The following ZNF592 variants were observed in gnomAD, a reference collection of about 807,000 sequenced individuals.
ZNF592 encodes the protein zinc finger protein 592.
ZNF592 carries 11 observed loss-of-function variants against 80.3 expected under a neutral mutation model. The ratio of observed to expected loss-of-function variants is 0.14; its 90% CI spans 0.09 to 0.23. The LOEUF (loss-of-function observed/expected upper bound fraction) is 0.23. ZNF592 is among the 10% of genes least tolerant of loss of function. ZNF592 has a pLI of 1.00. For synonymous variants in ZNF592, 646 were observed against 640.3 expected (o/e 1.01, Z -0.13); for missense variants, 1,420 against 1,633.9 (o/e 0.87, Z 2.26).
chr15:84,764,782 C>A lies in ZNF592; in HGVS notation c.-183C>A, dbSNP rs561024127. 7.5e-6 allele frequency: 3 copies of A among 398,986 alleles called. No homozygotes were observed. The highest frequency in any genetic ancestry group is 6.2e-5 in the African/African-American group (3 of 48,704). The allele number at this position is 398,986 out of a possible 1,614,324, so 24.7% of individuals were successfully genotyped here. A position where few individuals can be genotyped will look rare whatever the true frequency, so the allele number is the denominator to read the frequency against. ...CCGCAGCTCTGCTCCCCTAGCAACG[C>A]TCGCCACACCCTTGTTTTGAGATCC... On this transcript the variant is annotated 5_prime_UTR_variant, in exon 2 of 11. Transcript: ENST00000560079.
intron 2 of ZNF592, among the ~76,000 whole-genome samples, 156 bp from the exon 3 acceptor site, chr15:84,778,027 G>A (rs1043821213): frequency 1.3e-5 from 2 of 152,108 alleles, no homozygotes; most frequent in African/African-American, 4.8e-5. Context: ...GAATATTCTT[G>A]TAATGTAACT....
intron 5 of ZNF592, among the ~76,000 whole-genome samples, chr15:84,794,506 T>G (rs1962837926): frequency 6.6e-6 from 1 of 152,058 alleles, no homozygotes; most frequent in South Asian, 2.1e-4. Flanking sequence ...GAGACAGTCT[T>G]ACTCTGTTGA....
intron 2 of ZNF592, among the ~76,000 whole-genome samples, chr15:84,771,551 G>A (rs1035925753): frequency 6.6e-6 from 1 of 152,174 alleles, no homozygotes; most frequent in Non-Finnish European, 1.5e-5. Context: ...TCCATGAGAG[G>A]CTGAAGGGAC....
At chr15:84,753,222 G>A (rs1455663194) in intron 1 of ZNF592, 1 of 152,246 alleles carries the variant, frequency 6.6e-6, no homozygotes, top group Non-Finnish European at 1.5e-5. Flanking sequence ...TTAGGTTAAT[G>A]GAGAAGGTAT....
At chr15:84,790,090 C>G (rs113411851) in intron 4 of ZNF592, among the ~76,000 whole-genome samples, 1 of 144,472 alleles carries the variant, frequency 6.9e-6, no homozygotes, top group Non-Finnish European at 1.5e-5. Context: ...CCACCCATCC[C>G]ACCCCCCAAC....
At chr15:84,774,773 T>TTTTG (rs142502151) in intron 2 of ZNF592, among the ~76,000 whole-genome samples, 10 of 152,024 alleles carry the variant, frequency 6.6e-5, no homozygotes, top group Admixed American at 2.6e-4. Flanking sequence ...TCATACTGGT[T>TTTTG]TTTGTTTGTT....
intron 2 of ZNF592, among the ~76,000 whole-genome samples, chr15:84,769,937 A>G (rs1376069125): frequency 2.0e-5 from 3 of 152,172 alleles, no homozygotes; most frequent in Non-Finnish European, 4.4e-5. Context: ...CACTGTGCCC[A>G]GTGGCAACGT....
At position 84,798,724 on chromosome 15, in the gene ZNF592, T is replaced by C. The variant is rs1596135152; in HGVS notation, c.2873T>C (p.Leu958Pro). Residue 958 changes from leucine (L) to proline (P), a missense_variant, in exon 8 of 11, where the codon CTG becomes CCG. Leu to Pro is a moderately conservative substitution (Grantham distance 98). Coordinates refer to ENST00000560079, the MANE Select transcript of ZNF592 (RefSeq NM_014630.3). This position sits in a 1 kb window ranked among gnomAD's most constrained non-coding sequence, Gnocchi z 4.5. ...ATSVAARSSS[L>P]PSGRWGRPEA... is the part of the protein sequence containing the mutation. ...AGTGTGGCTGCTCGGAGCAGCTCCCTGCCTTCTGGCCGCTGGGGTAGGCCT... is the reference window on the plus strand; with the variant it reads ...AGTGTGGCTGCTCGGAGCAGCTCCCCGCCTTCTGGCCGCTGGGGTAGGCCT... 6.2e-7 allele frequency: 1 copy of C among 1,612,158 alleles called. No individual in the cohort carries two copies. Among genetic ancestry groups the C allele is most frequent in the Non-Finnish European group, 8.5e-7 (1 of 1,179,978 alleles).
chr15:84,785,037 T>G, intron 4 of ZNF592, 142 bp downstream of exon 4: 1 of 1,058,202 alleles, frequency 9.4e-7, no homozygotes, highest in Non-Finnish European at 1.4e-6. Context: ...CCTGAATATT[T>G]AGTGTTTGGT....
intron 1 of ZNF592, among the ~76,000 whole-genome samples, chr15:84,758,891 A>C (rs1380651289): frequency 6.6e-6 from 1 of 152,056 alleles, no homozygotes; most frequent in Non-Finnish European, 1.5e-5. Context: ...ATGCCTCTGC[A>C]CTCCAGTCTA....
At chr15:84,777,392 C>T (rs1475101521) in intron 2 of ZNF592, among the ~76,000 whole-genome samples, 1 of 149,866 alleles carries the variant, frequency 6.7e-6, no homozygotes, top group African/African-American at 2.5e-5. Context: ...AGGAGAGTTG[C>T]TGGAACCCGG....
In ZNF592 at chr15:84,784,517, G is replaced by A. The variant is rs1244571639; in HGVS notation, c.1842G>A (p.Glu614=). ...ATGGCCGGCGGAGCGTCCACATTGA[G>A]GTACTGTGCACACTGTGCTCCAAGA... is the stretch of plus-strand genomic sequence containing the variant. The part of the protein sequence containing the change: ...QHYGRRSVHI[E]VLCTLCSKTL... The change falls in exon 4 of 11, where the codon GAG becomes GAA. Residue 614 remains glutamate (E), a synonymous_variant. Transcript: ENST00000560079. This position sits in a 1 kb window ranked among gnomAD's most constrained non-coding sequence, Gnocchi z 5.8. 14 of 1,614,056 alleles carry A rather than the reference G, an allele frequency of 8.7e-6. No homozygotes were observed. Among genetic ancestry groups the A allele is most frequent in the Admixed American group, 1.7e-5 (1 of 60,010 alleles).
intron 1 of ZNF592, among the ~76,000 whole-genome samples, chr15:84,759,006 A>T (rs1418623253): frequency 6.6e-6 from 1 of 152,200 alleles, no homozygotes; most frequent in Non-Finnish European, 1.5e-5. Flanking sequence ...GTTACAGTAG[A>T]TACCTACCTT....
chr15:84,780,363 G>A (rs1307620195), intron 3 of ZNF592, among the ~76,000 whole-genome samples: 3 of 152,194 alleles, frequency 2.0e-5, no homozygotes, highest in Non-Finnish European at 4.4e-5. Context: ...TCATGCAGGA[G>A]TTTCCTTATA....
rs1296918185 is a variant in ZNF592, at chr15:84,803,325, A to G, written c.*932A>G. 6.6e-6 allele frequency: 1 copy of G among 152,666 alleles called. No homozygotes were observed. Among genetic ancestry groups the G allele is most frequent in the Non-Finnish European group, 1.5e-5 (1 of 68,082 alleles). The allele number at this position is 152,666 out of a possible 1,614,324, so 9.5% of individuals were successfully genotyped here. A position where few individuals can be genotyped will look rare whatever the true frequency, so the allele number is the denominator to read the frequency against. ...AGGTAGGCTCTTGTATTCCTCTCCA[A>G]GTGAGCCTGGCCCCACCCTATTCCA... On this transcript the variant is annotated 3_prime_UTR_variant, in exon 11 of 11. Transcript: ENST00000560079.
chr15:84,765,084 C>T (rs1313634951), intron 2 of ZNF592, among the ~76,000 whole-genome samples: 1 of 152,156 alleles, frequency 6.6e-6, no homozygotes, highest in African/African-American at 2.4e-5. Flanking sequence ...CTCTCTCTCT[C>T]CTGCTAACCC....
chr15:84,784,111 C>A lies in ZNF592; in HGVS notation c.1436C>A (p.Thr479Lys). The stretch of plus-strand genomic sequence containing the variant: ...AAGGGGGCTGCCCCAGGCTCACAGA[C>A]AGGCAAGAAGCAACAGAGCACAGCA... ...VPKGAAPGSQ[T>K]GKKQQSTALQ... The change falls in exon 4 of 11, where the codon ACA (threonine) becomes AAA (lysine). Residue 479 changes from threonine (T) to lysine (K), a missense_variant. Thr to Lys is a moderately conservative substitution (Grantham distance 78). Transcript: ENST00000560079. This position sits in a 1 kb window ranked among gnomAD's most constrained non-coding sequence, Gnocchi z 5.8. 6.2e-7 allele frequency: 1 copy of A among 1,614,188 alleles called. No individual in the cohort carries two copies. The highest frequency in any genetic ancestry group is 8.5e-7 in the Non-Finnish European group (1 of 1,180,048).
intron 2 of ZNF592, among the ~76,000 whole-genome samples, chr15:84,777,694 C>CTT (rs397854471): frequency 0.018 from 1,749 of 98,274 alleles, 84 homozygotes; most frequent in Middle Eastern, 0.035. Context: ...TGTTGAGATA[C>CTT]TTTTTTTTTT....
chr15:84,757,027 C>T (rs755087789), intron 1 of ZNF592, among the ~76,000 whole-genome samples: 19 of 152,074 alleles, frequency 1.2e-4, no homozygotes, highest in East Asian at 7.7e-4. Context: ...GTGGGAGAAT[C>T]GCTTGAACCT....
Sources: gnomAD v4.1 joint callset for allele counts (sites outside exome capture counted in the v4.1 genomes callset) on GRCh38, gnomAD v4.1.1 for gene constraint, Gnocchi (gnomAD v3.1) non-coding constraint, MANE v1.5 for transcripts, NCBI Gene and HGNC (gene_info 2026-07-23, HGNC 2026-07-21) for gene names.